VEZF1: variants seen among roughly 807,000 people sequenced by gnomAD.
VEZF1 encodes putative transcription factor DB1.
A neutral mutation model predicts 44.1 loss-of-function variants in VEZF1; 5 were observed. That is an observed-to-expected ratio of 0.11 (90% confidence interval 0.06 to 0.24). VEZF1 has a LOEUF of 0.24. VEZF1 is among the 10% of genes least tolerant of loss of function. VEZF1 has a pLI of 1.00. For synonymous variants in VEZF1, 236 were observed against 233.1 expected, an observed-to-expected ratio of 1.01 and a Z score of -0.11; for missense variants, 358 against 641.8, an observed-to-expected ratio of 0.56 and a Z score of 4.78.
At chr17:57,987,493 G>C (rs557887883) in intron 1 of VEZF1, among the ~76,000 whole-genome samples, 1 of 152,354 alleles carries the variant, frequency 6.6e-6, no homozygotes, top group Non-Finnish European at 1.5e-5. Flanking sequence ...GGCGGTGAGG[G>C]GGAGTGGCGG....
At chr17:57,977,168 G>T (rs2075200109) in intron 5 of VEZF1, among the ~76,000 whole-genome samples, 1 of 152,050 alleles carries the variant, frequency 6.6e-6, no homozygotes, top group East Asian at 1.9e-4. Context: ...CCAGGCTGGA[G>T]TGCAGTGATG....
At chr17:57,981,102 T>C (rs1254886761) in intron 3 of VEZF1, among the ~76,000 whole-genome samples, 1 of 152,220 alleles carries the variant, frequency 6.6e-6, no homozygotes, top group Non-Finnish European at 1.5e-5. Context: ...GGTTAACCTA[T>C]CTGAAAGCTT....
rs1369965493 is a variant in VEZF1, at chr17:57,974,753, T to C, written c.1286A>G (p.Asn429Ser). The C allele has an allele frequency of 6.2e-7, 1 of 1,614,156 alleles. No homozygotes were observed. ...GGTTATGTTAACTGCACTTGAAACA[T>C]TTACTGGACTTCTCATGCTCATTGC... is the stretch of plus-strand genomic sequence containing the variant. ...AAAMSMRSPVNVSSAVNITSP... is the reference protein window; with the variant it reads ...AAAMSMRSPVSVSSAVNITSP... The change falls in exon 6 of 6, where the codon AAT (asparagine) becomes AGT (serine). Residue 429 changes from asparagine to serine, a missense_variant. Physicochemically the swap from Asn to Ser is conservative, Grantham distance 46. Coordinates refer to ENST00000581208, the MANE Select transcript of VEZF1 (RefSeq NM_007146.3).
chr17:57,973,095 A>G lies in VEZF1; in HGVS notation c.*1378T>C, dbSNP rs1007213402. The G allele has an allele frequency of 2.0e-5, 3 of 151,072 alleles. No homozygotes were observed. The highest frequency in any genetic ancestry group is 6.6e-5 in the Admixed American group (1 of 15,188). The allele number at this position is 151,072 out of a possible 1,614,324, so 9.4% of individuals were successfully genotyped here. On this transcript the variant is annotated 3_prime_UTR_variant, in exon 6 of 6. Transcript: ENST00000581208. ...TCTTGGTTTAGTTAATTTTTTTTTT[A>G]ACGCAATGCTTTAAAAACAATGCGT...
chr17:57,987,358 T>C (rs996075501), intron 1 of VEZF1, among the ~76,000 whole-genome samples: 4 of 150,666 alleles, frequency 2.7e-5, no homozygotes, highest in Non-Finnish European at 4.4e-5. Context: ...AGGGAGAAGG[T>C]GTCAGCTGCC....
Position 57,974,778 on chromosome 17 carries a change from C to G in VEZF1, c.1261G>C (p.Ala421Pro). The G allele has an allele frequency of 6.2e-7, 1 of 1,614,154 alleles. No homozygotes were observed. The highest frequency in any genetic ancestry group is 8.5e-7 in the Non-Finnish European group (1 of 1,180,032). ...TMSNPVTVAA[A>P]MSMRSPVNVS... The stretch of plus-strand genomic sequence containing the variant: ...TTTACTGGACTTCTCATGCTCATTG[C>G]AGCTGCCACTGTGACTGGGTTTGAC... The change falls in exon 6 of 6, where the codon GCA becomes CCA. Residue 421 changes from alanine to proline, a missense_variant. This residue lies in a region of VEZF1 where 171 missense variants were observed against 272.4 expected (regional missense o/e 0.63). Transcript: ENST00000581208.
intron 4 of VEZF1, among the ~76,000 whole-genome samples, chr17:57,980,092 G>A (rs990845626): frequency 1.3e-5 from 2 of 152,000 alleles, no homozygotes; most frequent in African/African-American, 4.8e-5. Context: ...AGTAAAAATG[G>A]ATAGATTAAC....
At chr17:57,975,744 C>T (rs1217426786) in intron 5 of VEZF1, among the ~76,000 whole-genome samples, 1 of 152,146 alleles carries the variant, frequency 6.6e-6, no homozygotes, top group Non-Finnish European at 1.5e-5. Flanking sequence ...ACTAGCTAGG[C>T]AAGGAGACCC....
At chr17:57,984,561 G>A (rs1006635194) in intron 1 of VEZF1, among the ~76,000 whole-genome samples, 1 of 152,112 alleles carries the variant, frequency 6.6e-6, no homozygotes, top group African/African-American at 2.4e-5. Context: ...AATATTTTAA[G>A]CATACAATGT....
intron 1 of VEZF1, among the ~76,000 whole-genome samples, chr17:57,987,397 A>C (rs1477646855): frequency 6.6e-6 from 1 of 152,098 alleles, no homozygotes; most frequent in South Asian, 2.1e-4. Flanking sequence ...GGGAAAAAAA[A>C]ATGTAAATCC....
intron 5 of VEZF1, among the ~76,000 whole-genome samples, chr17:57,978,666 C>T (rs1301888930): frequency 6.6e-6 from 1 of 151,940 alleles, no homozygotes; most frequent in East Asian, 1.9e-4. Context: ...GAAAAGACAT[C>T]AACACTACAG....
chr17:57,974,653 G>A lies in VEZF1; in HGVS notation c.1386C>T (p.Thr462=), dbSNP rs768639267. The change falls in exon 6 of 6, where the codon ACC becomes ACT. Residue 462 remains threonine (T), a synonymous_variant. Coordinates refer to ENST00000581208, the MANE Select transcript of VEZF1 (RefSeq NM_007146.3). ...LSMTSPLTLT[T]PVNLPTPVTA... is the part of the protein sequence containing the mutation. ...TGACGGGGGTGGGGAGGTTGACTGG[G>A]GTAGTGAGTGTTAAAGGAGAGGTCA... The A allele has an allele frequency of 1.4e-5, 22 of 1,614,122 alleles. No homozygotes were observed. The highest frequency in any genetic ancestry group is 1.9e-5 in the Non-Finnish European group (22 of 1,180,016).
At chr17:57,974,970 A>C (rs1383947272) in intron 5 of VEZF1, 70 bp from the exon 6 acceptor site, 1 of 1,486,656 alleles carries the variant, frequency 6.7e-7, no homozygotes, top group Non-Finnish European at 9.1e-7. Context: ...TTTCTGAATC[A>C]ATTTCTTTTC....
chr17:57,987,301 G>A (rs2075304978), intron 1 of VEZF1, among the ~76,000 whole-genome samples: 1 of 152,032 alleles, frequency 6.6e-6, no homozygotes, highest in South Asian at 2.1e-4. Flanking sequence ...GGCCGGCCCG[G>A]CTGGGGGATT....
chr17:57,985,544 G>A (rs2075286794), intron 1 of VEZF1: 1 of 745,244 alleles, frequency 1.3e-6, no homozygotes, highest in Non-Finnish European at 1.6e-6. Flanking sequence ...TAACTTCTGG[G>A]TAGGCTTTTA....
rs750631548 is a variant in VEZF1, at chr17:57,974,636, G to A, written c.1403C>T (p.Thr468Ile). 6.2e-7 allele frequency: 1 copy of A among 1,614,002 alleles called. No homozygotes were observed. The highest frequency in any genetic ancestry group is 8.5e-7 in the Non-Finnish European group (1 of 1,180,018). The change falls in exon 6 of 6, where the codon ACC becomes ATC. Residue 468 changes from threonine to isoleucine, a missense_variant. This residue lies in a region of VEZF1 where 171 missense variants were observed against 272.4 expected (regional missense o/e 0.63). Transcript: ENST00000581208. ...TATATTCACTGGGGCAGTGACGGGG[G>A]TGGGGAGGTTGACTGGGGTAGTGAG... ...LTLTTPVNLP[T>I]PVTAPVNIAH...
chr17:57,988,057 C>A, intron 1 of VEZF1, 22 bp downstream of exon 1: 1 of 355,770 alleles, frequency 2.8e-6, no homozygotes, highest in Non-Finnish European at 4.4e-6. Context: ...CCCCCGTGCC[C>A]CCCCGGGGGG....
Position 57,983,413 on chromosome 17 carries a change from C to CT in VEZF1, c.34-21dup. On this transcript the variant is annotated intron_variant, in intron 1 of 5. Transcript: ENST00000581208. ...ATGGGCCTAAAACCAAACATTTACACTTCAGAAACTCAGCCTCTCACAATG... is the reference window on the plus strand; with the variant it reads ...ATGGGCCTAAAACCAAACATTTACACTTTCAGAAACTCAGCCTCTCACAATG... 6.4e-7 allele frequency: 1 copy of CT among 1,572,472 alleles called. No individual in the cohort carries two copies. Among genetic ancestry groups the CT allele is most frequent in the East Asian group, 2.2e-5 (1 of 44,660 alleles).
At chr17:57,986,474 T>G (rs1201565668) in intron 1 of VEZF1, among the ~76,000 whole-genome samples, 1 of 152,232 alleles carries the variant, frequency 6.6e-6, no homozygotes, top group Non-Finnish European at 1.5e-5. Context: ...GCTAGTTATA[T>G]ATCATTTCTT....
Sources: gnomAD v4.1 joint callset for allele counts (sites outside exome capture counted in the v4.1 genomes callset) on GRCh38, gnomAD v4.1.1 for gene constraint, gnomAD v4.1.1 regional missense constraint, MANE v1.5 for transcripts, NCBI Gene and HGNC (gene_info 2026-07-23, HGNC 2026-07-21) for gene names.